Variants in SLC10A6 observed in about 807,000 individuals in gnomAD.
SLC10A6 encodes sodium-dependent organic anion transporter.
Under a neutral mutation model 30.0 loss-of-function variants are expected in SLC10A6, and 27 were observed. The ratio of observed to expected loss-of-function variants is 0.90; its 90% CI spans 0.66 to 1.24. The LOEUF (loss-of-function observed/expected upper bound fraction) is 1.24. SLC10A6 is among the 50% of genes most tolerant of loss of function. The pLI, the probability that SLC10A6 is intolerant of heterozygous loss-of-function variation, is 0.00. For synonymous variants in SLC10A6, 166 were observed against 173.8 expected, an observed-to-expected ratio of 0.95 and a Z score of 0.36; for missense variants, 439 against 457.0, an observed-to-expected ratio of 0.96 and a Z score of 0.36.
intron 4 of SLC10A6, 103 bp from the exon 5 acceptor site, chr4:86,825,680 A>G (rs1166629567): frequency 5.0e-6 from 6 of 1,204,972 alleles, no homozygotes; most frequent in African/African-American, 3.0e-5. Flanking sequence ...ACCTCAGGCC[A>G]CTGAAAATGT....
At chr4:86,831,070 T>C (rs978488155) in intron 3 of SLC10A6, among the ~76,000 whole-genome samples, 5 of 152,166 alleles carry the variant, frequency 3.3e-5, no homozygotes, top group Non-Finnish European at 7.4e-5. Context: ...CCTCCTGGCC[T>C]CAAGCAATCC....
At position 86,838,702 on chromosome 4, in the gene SLC10A6, T is replaced by C. The variant is rs557572686; in HGVS notation, c.378-5278A>G. Among the ~76,000 whole-genome samples the C allele has an allele frequency of 4.9e-4, 74 of 152,040 alleles. No individual in the cohort carries two copies. The South Asian group carries it at 5.6e-3, about 12-fold the overall frequency. The stretch of plus-strand genomic sequence containing the variant: ...CTTTGGGAGGCCAAGGCGTGCAGAT[T>C]ACCTGAGGTCAGGAGTTCGAGACCA... On this transcript the variant is annotated intron_variant, in intron 1 of 5. Transcript: ENST00000273905.
intron 1 of SLC10A6, among the ~76,000 whole-genome samples, chr4:86,842,063 T>C (rs1746301415): frequency 6.6e-6 from 1 of 152,226 alleles, no homozygotes; most frequent in Admixed American, 6.5e-5. Context: ...ATTTTCATTG[T>C]ATAGATAAGG....
chr4:86,833,449 T>C, intron 1 of SLC10A6, 25 bp from the exon 2 acceptor site: 1 of 1,547,310 alleles, frequency 6.5e-7, no homozygotes, highest in South Asian at 1.1e-5. Context: ...AATACAATGC[T>C]TAGGAGGGAG....
rs368112868 is a variant in SLC10A6, at chr4:86,823,930, C to A, written c.920-28G>T. 68 of 1,559,652 alleles carry A rather than the reference C, an allele frequency of 4.4e-5. No individual in the cohort carries two copies. The African/African-American group carries it at 9.0e-4, about 21-fold the overall frequency. On this transcript the variant is annotated intron_variant, in intron 5 of 5. Coordinates refer to ENST00000273905, the MANE Select transcript of SLC10A6 (RefSeq NM_197965.3). ...AGGTGTTAAAACATACAAGTATTAA[C>A]AATCACTTTAACAAAGAGTCTAATT...
At chr4:86,825,930 A>G (rs1168151899) in intron 4 of SLC10A6, among the ~76,000 whole-genome samples, 1 of 152,234 alleles carries the variant, frequency 6.6e-6, no homozygotes, top group Non-Finnish European at 1.5e-5. Flanking sequence ...GGATTTAAGG[A>G]TGGAAAAAAA....
chr4:86,831,803 T>C lies in SLC10A6; in HGVS notation c.574A>G (p.Ile192Val). The C allele has an allele frequency of 6.2e-7, 1 of 1,612,642 alleles. No individual in the cohort carries two copies. Among genetic ancestry groups the C allele is most frequent in the Non-Finnish European group, 8.5e-7 (1 of 1,179,182 alleles). Residue 192 changes from isoleucine (I) to valine (V), a missense_variant, in exon 3 of 6, where the codon ATC becomes GTC. Physicochemically the swap from Ile to Val is conservative, Grantham distance 29. Transcript: ENST00000273905. Reference sequence around the variant, plus strand: ...ATGAAGTCACTCACCTTGAGAATGATTTTGGATTGTTTTGGCCATCTGTAA... The same window carrying C: ...ATGAAGTCACTCACCTTGAGAATGACTTTGGATTGTTTTGGCCATCTGTAA... Reference protein sequence around the residue: ...VNYRWPKQSKIILKIGAVVGG... With the variant: ...VNYRWPKQSKVILKIGAVVGG...
intron 1 of SLC10A6, among the ~76,000 whole-genome samples, chr4:86,842,863 T>TGGAG (rs1746326672): frequency 1.8e-5 from 1 of 55,674 alleles, no homozygotes; most frequent in African/African-American, 1.4e-4. Flanking sequence ...TCTTTCTTTC[T>TGGAG]TTCTTTCTTT....
At chr4:86,837,275 GAAA>G (rs1560460315) in intron 1 of SLC10A6, among the ~76,000 whole-genome samples, 2 of 109,250 alleles carry the variant, frequency 1.8e-5, no homozygotes, top group East Asian at 2.5e-4. Flanking sequence ...AAGAAAGAAA[GAAA>G]GAAAGAAAAA....
In SLC10A6 at chr4:86,843,688, T is replaced by C. The variant is rs192702804; in HGVS notation, c.377+5051A>G. Among the ~76,000 whole-genome samples, 5 of 151,986 alleles carry C rather than the reference T, an allele frequency of 3.3e-5. No individual in the cohort carries two copies. In the East Asian group the frequency reaches 9.7e-4, roughly 29 times the overall value. ...TTATGATATATCATTATATACAGGG[T>C]TAGGGTTAGGCATGCAGCTCCTTGA... On this transcript the variant is annotated intron_variant, in intron 1 of 5. Coordinates refer to ENST00000273905, the MANE Select transcript of SLC10A6 (RefSeq NM_197965.3).
chr4:86,842,792 TTCTTTCTTTCTTTCTTTC>T (rs1746314334), intron 1 of SLC10A6, among the ~76,000 whole-genome samples: 1 of 3,720 alleles, frequency 2.7e-4, no homozygotes, highest in Non-Finnish European at 4.1e-4. Flanking sequence ...CCTCTTTTCT[TTCTTTCTTTCTTTCTTTC>T]TTTCTTTCTT....
chr4:86,833,404 G>C lies in SLC10A6; in HGVS notation c.398C>G (p.Ser133Cys), dbSNP rs761317022. ...CATCATTCCCAGGGCGGCCACGGTG[G>C]AACAGGTTGTCATACTGATGCTGAA... ...MDLSISMTTCSTVAALGMMPL... is the reference protein window; with the variant it reads ...MDLSISMTTCCTVAALGMMPL... Residue 133 changes from serine (S) to cysteine (C), a missense_variant, in exon 2 of 6, where the codon TCC becomes TGC. Ser to Cys is a moderately radical substitution (Grantham distance 112). Coordinates refer to ENST00000273905, the MANE Select transcript of SLC10A6 (RefSeq NM_197965.3). 9 of 1,613,666 alleles carry C rather than the reference G, an allele frequency of 5.6e-6. No individual in the cohort carries two copies. Among genetic ancestry groups the C allele is most frequent in the African/African-American group, 4.0e-5 (3 of 74,882 alleles).
intron 1 of SLC10A6, among the ~76,000 whole-genome samples, chr4:86,835,184 G>A (rs972364402): frequency 7.9e-5 from 12 of 152,154 alleles, no homozygotes; most frequent in African/African-American, 2.4e-4. Context: ...AAGAAGTCAC[G>A]CAAACACCAC....
chr4:86,827,739 T>C (rs1209570542), intron 4 of SLC10A6, among the ~76,000 whole-genome samples: 1 of 152,204 alleles, frequency 6.6e-6, no homozygotes, highest in Non-Finnish European at 1.5e-5. Flanking sequence ...TCAAATCATG[T>C]CGTTTTCTAT....
At chr4:86,848,707 A>T (rs774467336) in intron 1 of SLC10A6, 32 bp downstream of exon 1, 2 of 1,539,128 alleles carry the variant, frequency 1.3e-6, no homozygotes, top group Non-Finnish European at 1.7e-6. Flanking sequence ...AGGATAAGAG[A>T]CAGACTGCTG....
At chr4:86,828,969 A>T (rs768568084) in intron 3 of SLC10A6, among the ~76,000 whole-genome samples, 4 of 152,148 alleles carry the variant, frequency 2.6e-5, no homozygotes, top group Non-Finnish European at 5.9e-5. Flanking sequence ...ATGATTCAGG[A>T]TGTGAAGGAG....
At chr4:86,844,132 C>T (rs1348938774) in intron 1 of SLC10A6, among the ~76,000 whole-genome samples, 1 of 152,104 alleles carries the variant, frequency 6.6e-6, no homozygotes, top group Non-Finnish European at 1.5e-5. Context: ...GAGCCGAGAT[C>T]ACGCCACTGC....
chr4:86,823,670 C>G lies in SLC10A6; in HGVS notation c.*18G>C. 1 of 1,563,240 alleles carries G rather than the reference C, an allele frequency of 6.4e-7. No homozygotes were observed. Among genetic ancestry groups the G allele is most frequent in the Non-Finnish European group, 8.7e-7 (1 of 1,155,552 alleles). On this transcript the variant is annotated 3_prime_UTR_variant, in exon 6 of 6. Transcript: ENST00000273905. Reference sequence around the variant, plus strand: ...GCCACTGAAAAAGAAGGGGGCCAGTCCAGCCAGCTAGTCCCTGCTATTCAC... The same window carrying G: ...GCCACTGAAAAAGAAGGGGGCCAGTGCAGCCAGCTAGTCCCTGCTATTCAC...
intron 1 of SLC10A6, among the ~76,000 whole-genome samples, chr4:86,842,714 AAAGAAAAG>A (rs1746311320): frequency 1.1e-5 from 1 of 94,844 alleles, no homozygotes; most frequent in African/African-American, 1.0e-4. Context: ...AAAAAAAAGA[AAAGAAAAG>A]AAAAGAAAAG....
Sources: allele counts gnomAD v4.1 joint callset (sites outside exome capture counted in the v4.1 genomes callset), GRCh38; gene constraint gnomAD v4.1.1; transcripts MANE v1.5; gene names NCBI Gene and HGNC (gene_info 2026-07-23, HGNC 2026-07-21).